Variants in LHFPL4 observed in about 807,000 individuals in gnomAD.
The protein encoded by LHFPL4 is LHFPL tetraspan subfamily member 4 protein.
Under a neutral mutation model 20.0 loss-of-function variants are expected in LHFPL4, and 6 were observed. That is an observed-to-expected ratio of 0.30 (90% CI 0.16 to 0.59). LHFPL4 has a LOEUF of 0.59. Among genes scored for constraint, LHFPL4 ranks in the 20% least tolerant of loss-of-function variants. The pLI is 0.88. For synonymous variants in LHFPL4, 129 were observed against 143.8 expected (o/e 0.90, Z 0.74); for missense variants, 215 against 331.2 (o/e 0.65, Z 2.72).
intron 3 of LHFPL4, among the ~76,000 whole-genome samples, chr3:9,503,317 A>C (rs1241445374): frequency 2.0e-5 from 3 of 152,166 alleles, no homozygotes; most frequent in African/African-American, 7.2e-5. Flanking sequence ...CCCACTTCAC[A>C]TCAGTCACAT....
At chr3:9,508,811 C>T (rs556994646) in intron 2 of LHFPL4, among the ~76,000 whole-genome samples, 3 of 152,336 alleles carry the variant, frequency 2.0e-5, no homozygotes, top group East Asian at 1.9e-4. Flanking sequence ...GTCCTTCCCC[C>T]GCCCTCGGAG....
chr3:9,513,358 G>T (rs9848449), intron 2 of LHFPL4, among the ~76,000 whole-genome samples: 46,021 of 151,606 alleles, frequency 0.3, 7,339 homozygotes, highest in Non-Finnish European at 0.36. Context: ...CACTTGTTTT[G>T]TCTTGCTCTG....
intron 2 of LHFPL4, among the ~76,000 whole-genome samples, chr3:9,548,155 C>A (rs1244585938): frequency 6.6e-6 from 1 of 152,138 alleles, no homozygotes; most frequent in African/African-American, 2.4e-5. Context: ...CGGGCTCCAC[C>A]ACTTACCAAC....
intron 2 of LHFPL4, among the ~76,000 whole-genome samples, chr3:9,545,482 T>G (rs1307432504): frequency 2.0e-5 from 3 of 151,990 alleles, no homozygotes; most frequent in African/African-American, 7.2e-5. Context: ...AGTTGAACAG[T>G]CTGGGAAACA....
intron 3 of LHFPL4, among the ~76,000 whole-genome samples, chr3:9,502,892 T>C (rs2046188009): frequency 6.6e-6 from 1 of 152,022 alleles, no homozygotes; most frequent in Non-Finnish European, 1.5e-5. Context: ...AAGAGACAAA[T>C]AATGACAGCC....
chr3:9,505,626 G>A (rs137980858), intron 3 of LHFPL4, among the ~76,000 whole-genome samples: 10 of 152,118 alleles, frequency 6.6e-5, no homozygotes, highest in Admixed American at 2.6e-4. Flanking sequence ...GGGTTTCACC[G>A]TGTTAGCCAG....
At chr3:9,518,660 A>C (rs2046318298) in intron 2 of LHFPL4, among the ~76,000 whole-genome samples, 1 of 148,134 alleles carries the variant, frequency 6.8e-6, no homozygotes, top group South Asian at 2.2e-4. Flanking sequence ...GGTCCATTTC[A>C]TCTAGGTTAT....
Position 9,499,856 on chromosome 3 carries a change from G to C in LHFPL4, c.*2355C>G, listed in dbSNP as rs2046158100. On this transcript the variant is annotated 3_prime_UTR_variant, in exon 4 of 4. Coordinates refer to ENST00000287585, the MANE Select transcript of LHFPL4 (RefSeq NM_198560.3). ...CCCCTCCCCACTGCCCCGCATCCTG[G>C]CTCCTTCATCCTCCTCTCCTTCCTC... 1 of 151,320 alleles carries C rather than the reference G, an allele frequency of 6.6e-6. No individual in the cohort carries two copies. The highest frequency in any genetic ancestry group is 1.5e-5 in the Non-Finnish European group (1 of 68,102). The allele number at this position is 151,320 out of a possible 1,614,324, so 9.4% of individuals were successfully genotyped here.
intron 2 of LHFPL4, among the ~76,000 whole-genome samples, chr3:9,517,368 T>C (rs1369679417): frequency 6.6e-6 from 1 of 152,090 alleles, no homozygotes; most frequent in East Asian, 1.9e-4. Flanking sequence ...TTATTTTAGC[T>C]CTTCTTCTAT....
At chr3:9,538,095 A>G (rs753451360) in intron 2 of LHFPL4, among the ~76,000 whole-genome samples, 3 of 152,022 alleles carry the variant, frequency 2.0e-5, no homozygotes, top group African/African-American at 4.8e-5. Flanking sequence ...CTCAAAACCA[A>G]CACACCCATT....
intron 2 of LHFPL4, among the ~76,000 whole-genome samples, chr3:9,535,952 C>T (rs888005978): frequency 6.6e-6 from 1 of 152,180 alleles, no homozygotes; most frequent in African/African-American, 2.4e-5. Context: ...CAGCCACGCA[C>T]CACCACGCTC....
At chr3:9,537,685 T>A (rs1042867682) in intron 2 of LHFPL4, among the ~76,000 whole-genome samples, 1 of 152,124 alleles carries the variant, frequency 6.6e-6, no homozygotes, top group Non-Finnish European at 1.5e-5. Flanking sequence ...CCTCAGCCCC[T>A]CAATTGCTAA....
chr3:9,517,812 T>TG (rs1559517274), intron 2 of LHFPL4, among the ~76,000 whole-genome samples: 11 of 150,466 alleles, frequency 7.3e-5, no homozygotes, highest in African/African-American at 1.2e-4. Context: ...TTTTTTGTTT[T>TG]TTTTTTTTTG....
chr3:9,520,466 G>T (rs1018848066), intron 2 of LHFPL4, among the ~76,000 whole-genome samples: 1 of 151,984 alleles, frequency 6.6e-6, no homozygotes, highest in East Asian at 1.9e-4. Flanking sequence ...AGATTCTCCT[G>T]TCTCAGCCTC....
chr3:9,540,040 TGATA>T (rs1374408363), intron 2 of LHFPL4, among the ~76,000 whole-genome samples: 1 of 152,202 alleles, frequency 6.6e-6, no homozygotes, highest in East Asian at 1.9e-4. Context: ...AGGACACTGT[TGATA>T]GATCTGTCAA....
At chr3:9,502,870 C>T (rs2200233) in intron 3 of LHFPL4, among the ~76,000 whole-genome samples, 80,461 of 151,892 alleles carry the variant, frequency 0.53, 22,615 homozygotes, top group South Asian at 0.66. Context: ...AGGGTAATTC[C>T]GAAGGGTCAA....
chr3:9,549,650 T>C (rs530487173), intron 2 of LHFPL4, among the ~76,000 whole-genome samples: 1 of 152,106 alleles, frequency 6.6e-6, no homozygotes, highest in Non-Finnish European at 1.5e-5. Context: ...TGAGCCAAGA[T>C]CATGCCATTG....
At chr3:9,524,253 T>C (rs1266155410) in intron 2 of LHFPL4, among the ~76,000 whole-genome samples, 1 of 151,918 alleles carries the variant, frequency 6.6e-6, no homozygotes, top group East Asian at 1.9e-4. Context: ...CTGCATGGTG[T>C]TCTCTGAGCT....
intron 2 of LHFPL4, among the ~76,000 whole-genome samples, chr3:9,513,408 T>C (rs1285141104): frequency 6.6e-6 from 1 of 152,192 alleles, no homozygotes; most frequent in Non-Finnish European, 1.5e-5. Context: ...CATGGCTCAC[T>C]GCGTCCTCGA....
Sources: gnomAD v4.1 joint callset for allele counts (sites outside exome capture counted in the v4.1 genomes callset) on GRCh38, gnomAD v4.1.1 for gene constraint, MANE v1.5 for transcripts, NCBI Gene and HGNC (gene_info 2026-07-23, HGNC 2026-07-21) for gene names.